CADPS: variants seen among roughly 807,000 people sequenced by gnomAD.
CADPS encodes calcium-dependent secretion activator 1.
Under a neutral mutation model 167.3 loss-of-function variants are expected in CADPS, and 57 were observed. That is an observed-to-expected ratio of 0.34 (90% confidence interval 0.28 to 0.42). The LOEUF is 0.42. Among genes scored for constraint, CADPS ranks in the 20% least tolerant of loss-of-function variants. The pLI is 1.00. For missense variants in CADPS, 1,414 were observed against 1,738.1 expected (o/e 0.81, Z 3.32); for synonymous variants, 676 against 635.3 (o/e 1.06, Z -0.96).
At chr3:62,510,204 A>ATCTATCTATCTG (rs1293080575) in intron 17 of CADPS, among the ~76,000 whole-genome samples, 7 of 151,150 alleles carry the variant, frequency 4.6e-5, no homozygotes, top group Non-Finnish European at 7.4e-5. Flanking sequence ...CTATCTATCT[A>ATCTATCTATCTG]TCTATCTATC....
intron 2 of CADPS, among the ~76,000 whole-genome samples, chr3:62,761,285 T>C (rs1046141269): frequency 2.6e-5 from 4 of 152,064 alleles, no homozygotes; most frequent in South Asian, 4.1e-4. Flanking sequence ...CGGTTTCTGT[T>C]GCTAGCAACT....
chr3:62,866,191 C>G (rs1012582495), intron 1 of CADPS, among the ~76,000 whole-genome samples: 1 of 151,972 alleles, frequency 6.6e-6, no homozygotes, highest in Non-Finnish European at 1.5e-5. Flanking sequence ...TATTAACAAA[C>G]AAAGTCAAAG....
rs1372910243 is a variant in CADPS, at chr3:62,465,585, G to A, written c.3553-135C>T. The A allele has an allele frequency of 1.3e-5, 7 of 552,950 alleles. No homozygotes were observed. The highest frequency in any genetic ancestry group is 5.7e-5 in the African/African-American group (3 of 52,714). The allele number at this position is 552,950 out of a possible 1,614,324, so 34.3% of individuals were successfully genotyped here. On this transcript the variant is annotated intron_variant, in intron 25 of 29. Transcript: ENST00000383710. The surrounding 1 kb of genome is among the most constrained non-coding windows in gnomAD (Gnocchi z 4.1). ...TTCTGCAGTCTATTATTTGATTCCC[G>A]CCTTCGGAGAAAGGAATAGACTGCC... is the stretch of plus-strand genomic sequence containing the variant.
chr3:62,668,047 C>T lies in CADPS; in HGVS notation c.889-5653G>A, dbSNP rs185229224. Among the ~76,000 whole-genome samples, 18 of 152,240 alleles carry T rather than the reference C, an allele frequency of 1.2e-4. No individual in the cohort carries two copies. The East Asian group carries it at 2.9e-3, about 25-fold the overall frequency. On this transcript the variant is annotated intron_variant, in intron 3 of 29. Coordinates refer to ENST00000383710, the MANE Select transcript of CADPS (RefSeq NM_003716.4). Reference sequence around the variant, plus strand: ...GAATTTTCTGGTGCTCATGCACTAACGATGATAAGGAGGCAACTTCAACCC... The same window carrying T: ...GAATTTTCTGGTGCTCATGCACTAATGATGATAAGGAGGCAACTTCAACCC...
chr3:62,534,156 A>G (rs184731179), intron 12 of CADPS, among the ~76,000 whole-genome samples: 6 of 152,338 alleles, frequency 3.9e-5, no homozygotes, highest in African/African-American at 1.2e-4. Context: ...GAAATAAACC[A>G]ATTTAGGTGA....
At chr3:62,441,332 A>T (rs1273128800) in intron 27 of CADPS, among the ~76,000 whole-genome samples, 1 of 152,222 alleles carries the variant, frequency 6.6e-6, no homozygotes, top group African/African-American at 2.4e-5. Context: ...TTTGTGAATA[A>T]GCTACCCTGT....
chr3:62,799,594 C>T (rs2093645427), intron 1 of CADPS, among the ~76,000 whole-genome samples: 1 of 152,170 alleles, frequency 6.6e-6, no homozygotes, highest in Admixed American at 6.6e-5. Context: ...TCAACCTGCA[C>T]TCAAGTGTTG....
chr3:62,832,827 C>A (rs1459988392), intron 1 of CADPS, among the ~76,000 whole-genome samples: 1 of 152,218 alleles, frequency 6.6e-6, no homozygotes, highest in Non-Finnish European at 1.5e-5. Context: ...CTCCCAATCT[C>A]GCAGTCATAA....
chr3:62,873,313 A>G (rs1395906474), intron 1 of CADPS, among the ~76,000 whole-genome samples: 1 of 152,226 alleles, frequency 6.6e-6, no homozygotes, highest in Admixed American at 6.5e-5. Context: ...CTACAGCAAC[A>G]TGTAATTTGT....
rs1263467757 is a variant in CADPS, at chr3:62,550,025, C to A, written c.1844G>T (p.Trp615Leu). 2 of 1,614,080 alleles carry A rather than the reference C, an allele frequency of 1.2e-6. No homozygotes were observed. The highest frequency in any genetic ancestry group is 1.7e-6 in the Non-Finnish European group (2 of 1,179,988). ...ASDDEQDRIL[W>L]VQAMYRATGQ... Reference sequence around the variant, plus strand: ...CGTGGCCCGATACATGGCCTGGACCCACAGGATGCGGTCTTGTTCATCGTC... The same window carrying A: ...CGTGGCCCGATACATGGCCTGGACCAACAGGATGCGGTCTTGTTCATCGTC... The change falls in exon 11 of 30, where the codon TGG becomes TTG. Residue 615 changes from tryptophan (W) to leucine (L), a missense_variant. Physicochemically the swap from Trp to Leu is moderately conservative, Grantham distance 61. Coordinates refer to ENST00000383710, the MANE Select transcript of CADPS (RefSeq NM_003716.4).
At chr3:62,689,758 T>C (rs1390444368) in intron 3 of CADPS, among the ~76,000 whole-genome samples, 4 of 152,040 alleles carry the variant, frequency 2.6e-5, no homozygotes. Context: ...GTTAAATCAA[T>C]TCACACAATG....
chr3:62,428,435 T>C (rs1392287752), intron 28 of CADPS, among the ~76,000 whole-genome samples: 1 of 151,560 alleles, frequency 6.6e-6, no homozygotes, highest in Non-Finnish European at 1.5e-5. Flanking sequence ...TTCCAGTTCC[T>C]TCTTTTGGCT....
At chr3:62,709,652 T>C (rs886480311) in intron 3 of CADPS, among the ~76,000 whole-genome samples, 8 of 152,218 alleles carry the variant, frequency 5.3e-5, no homozygotes, top group Middle Eastern at 3.4e-3. Flanking sequence ...TCCAGACCTA[T>C]TGAATCAGAA....
intron 6 of CADPS, among the ~76,000 whole-genome samples, chr3:62,622,791 G>T (rs1401971237): frequency 6.6e-6 from 1 of 152,110 alleles, no homozygotes; most frequent in African/African-American, 2.4e-5. Context: ...GGCTGTAAAT[G>T]TTCCCTAAAG....
At chr3:62,697,165 G>T (rs936018791) in intron 3 of CADPS, among the ~76,000 whole-genome samples, 1 of 152,032 alleles carries the variant, frequency 6.6e-6, no homozygotes, top group Non-Finnish European at 1.5e-5. Flanking sequence ...TTGTTTACAT[G>T]AGTAAGTTCT....
chr3:62,506,895 A>G (rs1026997973), intron 17 of CADPS, among the ~76,000 whole-genome samples: 2 of 152,308 alleles, frequency 1.3e-5, no homozygotes, highest in South Asian at 4.1e-4. Flanking sequence ...ATTTGTGGCC[A>G]TATTGCTTCC....
At chr3:62,661,517 A>C (rs1009290323) in intron 4 of CADPS, among the ~76,000 whole-genome samples, 2 of 152,130 alleles carry the variant, frequency 1.3e-5, no homozygotes, top group African/African-American at 4.8e-5. Context: ...AAGTTGTGCA[A>C]GGTGAGGCTA....
intron 6 of CADPS, among the ~76,000 whole-genome samples, chr3:62,604,250 T>C (rs1405973292): frequency 6.6e-6 from 1 of 152,176 alleles, no homozygotes; most frequent in Non-Finnish European, 1.5e-5. Context: ...GGGCTTCTGC[T>C]CCAGTAAGGT....
Position 62,753,782 on chromosome 3 carries a change from G to T in CADPS, c.556-9C>A. 7 of 1,606,620 alleles carry T rather than the reference G, an allele frequency of 4.4e-6. No individual in the cohort carries two copies. The highest frequency in any genetic ancestry group is 1.1e-5 in the South Asian group (1 of 89,950). ...TCGCTCTTCAGGAACACCTGAGCAA[G>T]AACAAGGCCAGGAAAGACAGTAGGA... is the stretch of plus-strand genomic sequence containing the variant. On this transcript the variant is annotated splice_polypyrimidine_tract_variant and intron_variant, in intron 2 of 29. Transcript: ENST00000383710. The surrounding 1 kb of genome is among the most constrained non-coding windows in gnomAD (Gnocchi z 4.6).
Sources: gnomAD v4.1 joint callset for allele counts (sites outside exome capture counted in the v4.1 genomes callset) on GRCh38, gnomAD v4.1.1 for gene constraint, Gnocchi (gnomAD v3.1) non-coding constraint, MANE v1.5 for transcripts, NCBI Gene and HGNC (gene_info 2026-07-23, HGNC 2026-07-21) for gene names.